The following MSN variants were observed in gnomAD, a reference collection of about 807,000 sequenced individuals.
The protein encoded by MSN is moesin.
MSN carries 2 observed loss-of-function variants against 48.0 expected under a neutral mutation model. That is an observed-to-expected ratio of 0.04 (90% CI 0.02 to 0.13). MSN has a LOEUF of 0.13. Ranked by LOEUF, MSN falls within the 10% of genes least tolerant of loss-of-function variation. MSN has a pLI of 1.00. For synonymous variants in MSN, 146 were observed against 166.9 expected, an observed-to-expected ratio of 0.87 and a Z score of 0.97; for missense variants, 267 against 470.1, an observed-to-expected ratio of 0.57 and a Z score of 3.99.
intron 1 of MSN, among the ~76,000 whole-genome samples, chrX:65,635,849 A>T (rs1195135044): frequency 1.8e-5 from 2 of 111,698 alleles, no homozygotes; most frequent in East Asian, 5.6e-4. Context: ...AATTCCCAAG[A>T]CCCCAAAGTA....
chrX:65,695,711 T>C (rs934337793), intron 1 of MSN, among the ~76,000 whole-genome samples: 7 of 110,029 alleles, frequency 6.4e-5, no homozygotes, highest in Non-Finnish European at 1.3e-4. Context: ...CTTGCCTGGC[T>C]TTGTCTTCAG....
chrX:65,613,866 G>A (rs58335444), intron 1 of MSN, among the ~76,000 whole-genome samples: 3 of 110,633 alleles, frequency 2.7e-5, no homozygotes, highest in Non-Finnish European at 5.7e-5. Context: ...GCAGAAGCTC[G>A]TTAGTTTAAT....
intron 1 of MSN, among the ~76,000 whole-genome samples, chrX:65,650,052 CTTT>C (rs59222247): frequency 1.9e-3 from 99 of 53,186 alleles, no homozygotes; most frequent in African/African-American, 9.2e-3. Context: ...CCTTTTTTCT[CTTT>C]TTTTTTTTTT....
At chrX:65,670,596 G>T (rs1037442640) in intron 1 of MSN, among the ~76,000 whole-genome samples, 3 of 108,254 alleles carry the variant, frequency 2.8e-5, no homozygotes, top group African/African-American at 1.0e-4. Flanking sequence ...GGTGGTGTGC[G>T]CCTGTAATCC....
At chrX:65,655,191 C>T (rs2070772802) in intron 1 of MSN, among the ~76,000 whole-genome samples, 1 of 110,139 alleles carries the variant, frequency 9.1e-6, no homozygotes, top group African/African-American at 3.3e-5. Flanking sequence ...GTCAGATAGG[C>T]TTGTTTCATT....
chrX:65,597,167 GC>G (rs2070193646), intron 1 of MSN, among the ~76,000 whole-genome samples: 1 of 109,637 alleles, frequency 9.1e-6, no homozygotes, highest in Non-Finnish European at 1.9e-5. Flanking sequence ...TCTCACTTTA[GC>G]CTCTTCTGAG....
At chrX:65,708,505 C>G (rs372611539) in intron 1 of MSN, among the ~76,000 whole-genome samples, 1 of 110,348 alleles carries the variant, frequency 9.1e-6, no homozygotes, top group Non-Finnish European at 1.9e-5. Flanking sequence ...GTTGGCCAAG[C>G]TGGTCTTGAA....
chrX:65,595,728 C>A (rs1226013769), intron 1 of MSN, among the ~76,000 whole-genome samples: 1 of 112,363 alleles, frequency 8.9e-6, no homozygotes, highest in Non-Finnish European at 1.9e-5. Flanking sequence ...CACAGGCTGT[C>A]AGAATCAGAG....
chrX:65,706,490 A>G (rs1222419995), intron 1 of MSN, among the ~76,000 whole-genome samples: 1 of 111,903 alleles, frequency 8.9e-6, no homozygotes, highest in Non-Finnish European at 1.9e-5. Context: ...GGTGGAAATG[A>G]GGTCATTGAG....
upstream of MSN, among the ~76,000 whole-genome samples, chrX:65,663,435 A>G (rs1286321714): frequency 9.0e-6 from 1 of 111,147 alleles, no homozygotes; most frequent in Non-Finnish European, 1.9e-5. Context: ...CAGAATGACT[A>G]GTATTAAAAT....
intron 1 of MSN, among the ~76,000 whole-genome samples, chrX:65,668,496 T>A (rs1007722287): frequency 5.4e-5 from 6 of 111,686 alleles, no homozygotes; most frequent in African/African-American, 2.0e-4. Context: ...GAGGACCGGT[T>A]TCTCCCTCCT....
chrX:65,596,611 T>C (rs1157974525), intron 1 of MSN, among the ~76,000 whole-genome samples: 1 of 108,162 alleles, frequency 9.2e-6, no homozygotes, highest in African/African-American at 3.4e-5. Flanking sequence ...TTTTTTTTTT[T>C]TTATTTCAGC....
At chrX:65,599,444 C>A (rs2070214549) in intron 1 of MSN, among the ~76,000 whole-genome samples, 1 of 112,246 alleles carries the variant, frequency 8.9e-6, no homozygotes, top group African/African-American at 3.2e-5. Context: ...ACCATCCTGG[C>A]CAACATGGTG....
At chrX:65,738,483 A>T (rs761349128) in intron 10 of MSN, 42 bp from the exon 11 acceptor site, 1 of 1,149,793 alleles carries the variant, frequency 8.7e-7, no homozygotes, top group Non-Finnish European at 1.2e-6. Context: ...GGTCCTGAGG[A>T]CCAGAAGGCC....
At chrX:65,681,944 G>A (rs2071059862) in intron 1 of MSN, among the ~76,000 whole-genome samples, 1 of 111,208 alleles carries the variant, frequency 9.0e-6, no homozygotes. Context: ...TAGGAAGTAT[G>A]CAGGGAAGTA....
chrX:65,695,114 G>C (rs1466478560), intron 1 of MSN, among the ~76,000 whole-genome samples: 1 of 109,854 alleles, frequency 9.1e-6, no homozygotes, highest in African/African-American at 3.3e-5. Context: ...GTGTGTGGTG[G>C]TGGTGGTGGT....
intron 1 of MSN, among the ~76,000 whole-genome samples, chrX:65,702,827 G>A (rs758296115): frequency 1.8e-5 from 2 of 111,938 alleles, no homozygotes; most frequent in South Asian, 3.7e-4. Context: ...GAATAAGGAA[G>A]GAAGATCAGG....
intron 1 of MSN, among the ~76,000 whole-genome samples, chrX:65,612,867 G>C (rs73629460): frequency 9.7e-6 from 1 of 103,299 alleles, no homozygotes; most frequent in African/African-American, 3.6e-5. Flanking sequence ...TTTTTTTTTG[G>C]GGGGGGGTAC....
intron 1 of MSN, among the ~76,000 whole-genome samples, chrX:65,680,758 T>A (rs2071046795): frequency 9.0e-6 from 1 of 111,071 alleles, no homozygotes; most frequent in Admixed American, 9.6e-5. Flanking sequence ...TGTTTTGTTT[T>A]GTTTTTTTGA....
Sources: allele counts gnomAD v4.1 joint callset (sites outside exome capture counted in the v4.1 genomes callset), GRCh38; gene constraint gnomAD v4.1.1; transcripts MANE v1.5; gene names NCBI Gene and HGNC (gene_info 2026-07-23, HGNC 2026-07-21).